Variants in IGFBP5 observed in about 807,000 individuals in gnomAD.
IGFBP5 encodes insulin-like growth factor-binding protein 5.
Under a neutral mutation model 28.0 loss-of-function variants are expected in IGFBP5, and 12 were observed. That is an observed-to-expected ratio of 0.43 (90% confidence interval 0.27 to 0.69). IGFBP5 has a LOEUF of 0.69. IGFBP5 is among the 30% of genes least tolerant of loss of function. IGFBP5 has a pLI of 0.20. For missense variants in IGFBP5, 344 were observed against 381.6 expected (o/e 0.90, Z 0.82); for synonymous variants, 152 against 150.2 (o/e 1.01, Z -0.09).
intron 1 of IGFBP5, among the ~76,000 whole-genome samples, chr2:216,682,550 T>A (rs1688988230): frequency 1.3e-5 from 2 of 152,142 alleles, no homozygotes. Flanking sequence ...CCGGGAGGAC[T>A]TCCTGGTGAA....
chr2:216,693,047 A>C (rs1238493271), intron 1 of IGFBP5, among the ~76,000 whole-genome samples: 1 of 152,184 alleles, frequency 6.6e-6, no homozygotes, highest in Non-Finnish European at 1.5e-5. Context: ...TCCGTAACTA[A>C]ACTACGCCAA....
Position 216,694,512 on chromosome 2 carries a change from C to T in IGFBP5, c.264G>A (p.Lys88=), listed in dbSNP as rs541781880. The change falls in exon 1 of 4, where the codon AAG becomes AAA. Residue 88 remains lysine (K), a synonymous_variant. Coordinates refer to ENST00000233813, the MANE Select transcript of IGFBP5 (RefSeq NM_000599.4). This position sits in a 1 kb window ranked among gnomAD's most constrained non-coding sequence, Gnocchi z 5.2. The part of the protein sequence containing the change: ...LRCLPRQDEE[K]PLHALLHGRG... ...GGCCGTGCAGCAGGGCGTGCAGCGG[C>T]TTCTCCTCGTCCTGCCGGGGGAGGC... 2 of 1,588,730 alleles carry T rather than the reference C, an allele frequency of 1.3e-6. No homozygotes were observed. The highest frequency in any genetic ancestry group is 2.3e-5 in the East Asian group (1 of 43,700).
rs1002004872 is a variant in IGFBP5 at position 216,679,944 on chromosome 2, G to GA, written c.338-866dup. Reference sequence around the variant, plus strand: ...ACTTAGCTGGCTTTTGACCTTTAGAGAAGTCAGACTTTGTTGATGTATTTG... The same window carrying GA: ...ACTTAGCTGGCTTTTGACCTTTAGAGAAAGTCAGACTTTGTTGATGTATTTG... On this transcript the variant is annotated intron_variant, in intron 1 of 3. Transcript: ENST00000233813. The surrounding 1 kb of genome is among the most constrained non-coding windows in gnomAD (Gnocchi z 4.6). Among the ~76,000 whole-genome samples the GA allele has an allele frequency of 6.6e-6, 1 of 152,170 alleles. No homozygotes were observed. Among genetic ancestry groups the GA allele is most frequent in the African/African-American group, 2.4e-5 (1 of 41,440 alleles).
chr2:216,681,308 T>C (rs1196614046), intron 1 of IGFBP5, among the ~76,000 whole-genome samples: 1 of 152,070 alleles, frequency 6.6e-6, no homozygotes, highest in Non-Finnish European at 1.5e-5. Context: ...AGACAGGATA[T>C]GGTGGCTACT....
chr2:216,692,265 A>G lies in IGFBP5; in HGVS notation c.337+2174T>C, dbSNP rs1288094456. On this transcript the variant is annotated intron_variant, in intron 1 of 3. Transcript: ENST00000233813. The surrounding 1 kb of genome is among the most constrained non-coding windows in gnomAD (Gnocchi z 4.2). ...GTGCTGGGGAGGGGGCGGGTAGAAGAGGCGGCTTCGGGTTGGCCCAAAGGC... is the reference window on the plus strand; with the variant it reads ...GTGCTGGGGAGGGGGCGGGTAGAAGGGGCGGCTTCGGGTTGGCCCAAAGGC... Among the ~76,000 whole-genome samples the G allele has an allele frequency of 6.6e-6, 1 of 151,972 alleles. No homozygotes were observed. Among genetic ancestry groups the G allele is most frequent in the East Asian group, 1.9e-4 (1 of 5,164 alleles).
intron 3 of IGFBP5, among the ~76,000 whole-genome samples, chr2:216,677,604 G>C (rs951799139): frequency 6.6e-6 from 1 of 152,152 alleles, no homozygotes; most frequent in African/African-American, 2.4e-5. Flanking sequence ...GCAGCATCAG[G>C]GTCACGTGTC....
intron 2 of IGFBP5, 136 bp downstream of exon 2, chr2:216,678,714 T>C (rs1688933688): frequency 1.4e-6 from 1 of 701,292 alleles, no homozygotes; most frequent in Non-Finnish European, 2.4e-6. Flanking sequence ...TACTCCCACG[T>C]CCTAAGCTGA....
chr2:216,679,534 C>A lies in IGFBP5; in HGVS notation c.338-455G>T, dbSNP rs7584618. Among the ~76,000 whole-genome samples the A allele has an allele frequency of 0.1, 15,906 of 152,008 alleles. 1,753 individuals carry two copies. The highest frequency in any genetic ancestry group is 0.28 in the African/African-American group (11,720 of 41,378). ...ACCCGGGAATCTGGGCCCATGGAGG[C>A]AGATGACACAGTCAGGGCGTGGACG... On this transcript the variant is annotated intron_variant, in intron 1 of 3. Transcript: ENST00000233813. The surrounding 1 kb of genome is among the most constrained non-coding windows in gnomAD (Gnocchi z 4.6).
At position 216,673,271 on chromosome 2, in the gene IGFBP5, G is replaced by C. The variant is rs1368439008; in HGVS notation, c.*3480C>G. 6.5e-6 allele frequency: 1 copy of C among 152,686 alleles called. No homozygotes were observed. The highest frequency in any genetic ancestry group is 1.5e-5 in the Non-Finnish European group (1 of 68,292). 9.5% of individuals were successfully genotyped at this position (152,686 alleles called of 1,614,324 possible). A position where few individuals can be genotyped will look rare whatever the true frequency, so the allele number is the denominator to read the frequency against. ...TGGAGGCCACAGAGGTGGTGGTGGG[G>C]AGATGGGGTGGGAGAGAAGGGGCAT... On this transcript the variant is annotated 3_prime_UTR_variant, in exon 4 of 4. Coordinates refer to ENST00000233813, the MANE Select transcript of IGFBP5 (RefSeq NM_000599.4). This position sits in a 1 kb window ranked among gnomAD's most constrained non-coding sequence, Gnocchi z 4.3.
At position 216,679,060 on chromosome 2, in the gene IGFBP5, G is replaced by A. The variant is rs139288422; in HGVS notation, c.357C>T (p.His119=). 3.9e-3 allele frequency: 6,328 copies of A among 1,614,096 alleles called. 20 individuals are homozygous for A. Among genetic ancestry groups the A allele is most frequent in the Middle Eastern group, 0.01 (63 of 6,062 alleles). ...QVKIERDSRE[H]EEPTTSEMAE... ...CCATCTCAGAGGTGGTGGGCTCCTC[G>A]TGCTCACGGGAGTCTCTCTCTGCAG... The change falls in exon 2 of 4, where the codon CAC becomes CAT. Residue 119 remains histidine, a synonymous_variant. Coordinates refer to ENST00000233813, the MANE Select transcript of IGFBP5 (RefSeq NM_000599.4). This position sits in a 1 kb window ranked among gnomAD's most constrained non-coding sequence, Gnocchi z 4.6.
chr2:216,686,171 A>G (rs1689032789), intron 1 of IGFBP5, among the ~76,000 whole-genome samples: 1 of 152,176 alleles, frequency 6.6e-6, no homozygotes, highest in Non-Finnish European at 1.5e-5. Flanking sequence ...GCCGGGAGAA[A>G]TAGCATGGTT....
intron 1 of IGFBP5, among the ~76,000 whole-genome samples, chr2:216,691,141 AG>A (rs1689090524): frequency 1.3e-5 from 2 of 152,242 alleles, no homozygotes; most frequent in South Asian, 4.1e-4. Flanking sequence ...ATTTTAGACC[AG>A]GCTTGGAGTT....
At chr2:216,683,280 T>C (rs921212838) in intron 1 of IGFBP5, among the ~76,000 whole-genome samples, 3 of 151,882 alleles carry the variant, frequency 2.0e-5, no homozygotes, top group South Asian at 2.1e-4. Flanking sequence ...AGGTTGGAGA[T>C]TGGAGGTTGA....
chr2:216,687,710 T>C (rs911460371), intron 1 of IGFBP5, among the ~76,000 whole-genome samples: 1 of 152,042 alleles, frequency 6.6e-6, no homozygotes, highest in African/African-American at 2.4e-5. Flanking sequence ...GGTGGGGGGA[T>C]AGGTGGGGAG....
intron 3 of IGFBP5, 143 bp from the exon 4 acceptor site, chr2:216,677,025 T>C: frequency 1.2e-6 from 1 of 823,056 alleles, no homozygotes. Flanking sequence ...GGGTTTCTGG[T>C]GTCCCCATTT....
At chr2:216,680,686 G>A (rs923048477) in intron 1 of IGFBP5, among the ~76,000 whole-genome samples, 3 of 152,282 alleles carry the variant, frequency 2.0e-5, no homozygotes, top group Non-Finnish European at 2.9e-5. Context: ...CCAAAGGTTC[G>A]CAGCGTTCCT....
At chr2:216,688,127 T>C (rs1395222267) in intron 1 of IGFBP5, among the ~76,000 whole-genome samples, 1 of 152,160 alleles carries the variant, frequency 6.6e-6, no homozygotes, top group Non-Finnish European at 1.5e-5. Context: ...TTATTTAATA[T>C]TTATTTAATT....
intron 1 of IGFBP5, among the ~76,000 whole-genome samples, chr2:216,684,256 T>G (rs1689010536): frequency 6.6e-6 from 1 of 152,234 alleles, no homozygotes; most frequent in Non-Finnish European, 1.5e-5. Context: ...CCTTGCTTGC[T>G]GGTCACAGCA....
rs920785609 is a variant in IGFBP5 at position 216,672,544 on chromosome 2, C to A, written c.*4207G>T. 1 of 151,874 alleles carries A rather than the reference C, an allele frequency of 6.6e-6. No homozygotes were observed. Among genetic ancestry groups the A allele is most frequent in the Non-Finnish European group, 1.5e-5 (1 of 67,876 alleles). 9.4% of individuals were successfully genotyped at this position (151,874 alleles called of 1,614,324 possible). ...AAAAAAAAAAGAAAAAGAAAAACAA[C>A]AACAACAACAACGAAAACAACCGGT... On this transcript the variant is annotated 3_prime_UTR_variant, in exon 4 of 4. Coordinates refer to ENST00000233813, the MANE Select transcript of IGFBP5 (RefSeq NM_000599.4).
Sources: gnomAD v4.1 joint callset for allele counts (sites outside exome capture counted in the v4.1 genomes callset) on GRCh38, gnomAD v4.1.1 for gene constraint, Gnocchi (gnomAD v3.1) non-coding constraint, MANE v1.5 for transcripts, NCBI Gene and HGNC (gene_info 2026-07-23, HGNC 2026-07-21) for gene names.